Variants in PLEKHA5 observed in about 807,000 individuals in gnomAD.
PLEKHA5 encodes the protein pleckstrin homology domain containing A5.
Under a neutral mutation model 181.9 loss-of-function variants are expected in PLEKHA5, and 55 were observed. That is an observed-to-expected ratio of 0.30 (90% CI 0.24 to 0.38). The LOEUF is 0.38. PLEKHA5 is among the 10% of genes least tolerant of loss of function. PLEKHA5 has a pLI of 1.00. For synonymous variants in PLEKHA5, 535 were observed against 529.4 expected (o/e 1.01, Z -0.15); for missense variants, 1,432 against 1,549.5 (o/e 0.92, Z 1.27).
At chr12:19,244,010 A>G (rs530229065) in intron 3 of PLEKHA5, among the ~76,000 whole-genome samples, 5 of 152,158 alleles carry the variant, frequency 3.3e-5, no homozygotes, top group Non-Finnish European at 7.4e-5. Flanking sequence ...TCTCCTTTTT[A>G]TTACAATGAA....
chr12:19,296,616 G>A (rs554999562), intron 15 of PLEKHA5, among the ~76,000 whole-genome samples: 13 of 151,898 alleles, frequency 8.6e-5, no homozygotes, highest in Non-Finnish European at 1.5e-4. Flanking sequence ...TTCTTCAGCA[G>A]ATCTAACATT....
At chr12:19,148,285 G>C (rs1271506827) in intron 3 of PLEKHA5, among the ~76,000 whole-genome samples, 1 of 152,176 alleles carries the variant, frequency 6.6e-6, no homozygotes, top group South Asian at 2.1e-4. Context: ...TTGAATTCCT[G>C]ACCTCAAGTG....
chr12:19,245,723 CAAAAAAA>C (rs1177391924), intron 3 of PLEKHA5, among the ~76,000 whole-genome samples: 100 of 50,900 alleles, frequency 2.0e-3, no homozygotes, highest in African/African-American at 8.1e-3. Context: ...GTGAGACTGT[CAAAAAAA>C]AAAAAAAAAA....
chr12:19,316,369 G>A (rs1222765817), intron 16 of PLEKHA5, among the ~76,000 whole-genome samples: 3 of 151,982 alleles, frequency 2.0e-5, no homozygotes, highest in South Asian at 2.1e-4. Context: ...TTATTTGGTT[G>A]CATTAAAAGT....
chr12:19,366,158 T>G, intron 30 of PLEKHA5, 49 bp downstream of exon 30: 3 of 1,452,290 alleles, frequency 2.1e-6, no homozygotes, highest in Non-Finnish European at 2.8e-6. Flanking sequence ...TCCTCTGAAC[T>G]TCTAAATTTA....
At chr12:19,324,942 A>G (rs893679062) in intron 20 of PLEKHA5, among the ~76,000 whole-genome samples, 4 of 152,210 alleles carry the variant, frequency 2.6e-5, no homozygotes, top group Non-Finnish European at 5.9e-5. Context: ...GAAACTATTT[A>G]ATGATTTGGT....
In PLEKHA5 at chr12:19,361,392, C is replaced by G. The variant is rs572102607; in HGVS notation, c.3484-190C>G. 3.3e-5 allele frequency among the ~76,000 whole-genome samples: 5 copies of G among 152,156 alleles called. No individual in the cohort carries two copies. In the South Asian group the frequency reaches 1.0e-3, roughly 32 times the overall value. ...TAGAGACAGTGTTTCACCGTGTTAG[C>G]CAGGATGGTCTCAATCTCCTGACCT... On this transcript the variant is annotated intron_variant, in intron 28 of 31. Coordinates refer to ENST00000429027, the MANE Select transcript of PLEKHA5 (RefSeq NM_001256470.2).
intron 8 of PLEKHA5, among the ~76,000 whole-genome samples, chr12:19,267,729 T>G (rs1289689817): frequency 6.6e-6 from 1 of 150,392 alleles, no homozygotes; most frequent in Admixed American, 6.6e-5. Flanking sequence ...TTTGGGAGGC[T>G]GAGGCTGGCA....
Position 19,359,694 on chromosome 12 carries a change from T to C in PLEKHA5, c.3483+148T>C, listed in dbSNP as rs1010472038. On this transcript the variant is annotated intron_variant, in intron 28 of 31. Transcript: ENST00000429027. ...AAATAAGCTTTCTGGCCGGGCGCGG[T>C]GGCTCACGTCTGTAATCCCAGCACT... The C allele has an allele frequency of 1.1e-4, 86 of 752,612 alleles. 1 individual carries two copies. Among genetic ancestry groups the C allele is most frequent in the South Asian group, 2.1e-4 (11 of 52,304 alleles). The allele number at this position is 752,612 out of a possible 1,614,324, so 46.6% of individuals were successfully genotyped here.
intron 13 of PLEKHA5, among the ~76,000 whole-genome samples, chr12:19,290,462 G>C (rs1445560739): frequency 6.6e-6 from 1 of 152,032 alleles, no homozygotes; most frequent in Non-Finnish European, 1.5e-5. Flanking sequence ...TTAATTTACT[G>C]TTGTTTTGCT....
intron 3 of PLEKHA5, among the ~76,000 whole-genome samples, chr12:19,212,889 G>A (rs568842647): frequency 1.4e-5 from 2 of 146,410 alleles, no homozygotes; most frequent in South Asian, 4.4e-4. Flanking sequence ...GGCAGAGTTA[G>A]AATTTAAGCC....
chr12:19,215,449 G>A (rs1032965274), intron 3 of PLEKHA5, among the ~76,000 whole-genome samples: 1 of 152,144 alleles, frequency 6.6e-6, no homozygotes, highest in African/African-American at 2.4e-5. Context: ...CATGTTAACA[G>A]CTAACATTTT....
rs374950274 is a variant in PLEKHA5 at position 19,236,664 on chromosome 12, G to A, written c.228-17276G>A. Among the ~76,000 whole-genome samples, 58 of 152,140 alleles carry A rather than the reference G, an allele frequency of 3.8e-4. No homozygotes were observed. In the South Asian group the frequency reaches 7.9e-3, roughly 21 times the overall value. ...AAGTTTATTTTAATACTCAGTAAACGTTTTCTTCAGTAACTATTTGCATCC... is the reference window on the plus strand; with the variant it reads ...AAGTTTATTTTAATACTCAGTAAACATTTTCTTCAGTAACTATTTGCATCC... On this transcript the variant is annotated intron_variant, in intron 3 of 31. Coordinates refer to ENST00000429027, the MANE Select transcript of PLEKHA5 (RefSeq NM_001256470.2).
chr12:19,251,299 TG>T (rs2065200757), intron 3 of PLEKHA5, among the ~76,000 whole-genome samples: 1 of 150,948 alleles, frequency 6.6e-6, no homozygotes, highest in African/African-American at 2.4e-5. Context: ...CCAGCTAACT[TG>T]GGAGGCTGAG....
chr12:19,275,821 CCTTTT>C (rs2074357112), intron 11 of PLEKHA5, among the ~76,000 whole-genome samples: 1 of 152,048 alleles, frequency 6.6e-6, no homozygotes, highest in African/African-American at 2.4e-5. Flanking sequence ...TTTGCATGCA[CCTTTT>C]CTTAATATAT....
chr12:19,305,861 CAAAA>C (rs376068601), intron 15 of PLEKHA5, among the ~76,000 whole-genome samples: 5 of 37,890 alleles, frequency 1.3e-4, no homozygotes, highest in Admixed American at 4.4e-4. Flanking sequence ...AACTCCATCT[CAAAA>C]AAAAAAAAAA....
At chr12:19,211,204 T>C (rs77782809) in intron 3 of PLEKHA5, among the ~76,000 whole-genome samples, 10,823 of 152,246 alleles carry the variant, frequency 0.071, 408 homozygotes, top group South Asian at 0.11. Context: ...ACACATACCC[T>C]GCCCCCACCA....
At chr12:19,211,961 TA>T (rs1178428488) in intron 3 of PLEKHA5, among the ~76,000 whole-genome samples, 2 of 152,220 alleles carry the variant, frequency 1.3e-5, no homozygotes, top group Non-Finnish European at 2.9e-5. Context: ...GAAGGTCAGA[TA>T]AACAACTTGG....
rs531735705 is a variant in PLEKHA5, at chr12:19,345,666, G to A, written c.2663-176G>A. Among the ~76,000 whole-genome samples the A allele has an allele frequency of 2.0e-5, 3 of 152,044 alleles. No individual in the cohort carries two copies. In the East Asian group the frequency reaches 5.8e-4, roughly 30 times the overall value. ...TGTAGTCCCAGCTACGAGAGGCTGA[G>A]GCACAAGAATTGCTTGAACCCAGGA... is the stretch of plus-strand genomic sequence containing the variant. On this transcript the variant is annotated intron_variant, in intron 22 of 31. Coordinates refer to ENST00000429027, the MANE Select transcript of PLEKHA5 (RefSeq NM_001256470.2).
Sources: allele counts gnomAD v4.1 joint callset (sites outside exome capture counted in the v4.1 genomes callset), GRCh38; gene constraint gnomAD v4.1.1; transcripts MANE v1.5; gene names NCBI Gene and HGNC (gene_info 2026-07-23, HGNC 2026-07-21).